SMC5: variants seen among roughly 807,000 people sequenced by gnomAD.
SMC5 encodes structural maintenance of chromosomes protein 5.
SMC5 carries 88 observed loss-of-function variants against 148.3 expected under a neutral mutation model. The ratio of observed to expected loss-of-function variants is 0.59; its 90% CI spans 0.50 to 0.71. SMC5 has a LOEUF of 0.71. Among genes scored for constraint, SMC5 ranks in the 30% least tolerant of loss-of-function variants. The pLI is 0.00. For missense variants in SMC5, 1,142 were observed against 1,298.9 expected (o/e 0.88, Z 1.86); for synonymous variants, 421 against 432.8 (o/e 0.97, Z 0.34).
At chr9:70,282,362 T>TTCG in intron 6 of SMC5, 60 bp from the exon 7 acceptor site, 1 of 1,458,442 alleles carries the variant, frequency 6.9e-7, no homozygotes, top group Admixed American at 2.6e-5. Flanking sequence ...ATCTTGATTT[T>TTCG]TAGTATATGT....
intron 17 of SMC5, among the ~76,000 whole-genome samples, chr9:70,326,074 A>G (rs1242910817): frequency 1.3e-5 from 2 of 152,196 alleles, no homozygotes; most frequent in African/African-American, 4.8e-5. Context: ...ACAGTGGCAG[A>G]GCTAAGGTCA....
chr9:70,264,335 C>T lies in SMC5; in HGVS notation c.217C>T (p.Pro73Ser). 1.2e-6 allele frequency: 2 copies of T among 1,613,882 alleles called. No homozygotes were observed. The highest frequency in any genetic ancestry group is 2.2e-5 in the East Asian group (1 of 44,858). ...TGATATTTGTGAAGTATCTCCTGGA[C>T]CCCACTTGAATATGATCGTTGGAGC... ...TYDICEVSPG[P>S]HLNMIVGANG... The change falls in exon 2 of 25, where the codon CCC becomes TCC. Residue 73 changes from proline to serine, a missense_variant. Pro to Ser is a moderately conservative substitution (Grantham distance 74, BLOSUM62 -1). Around this residue, in one of 5 missense-constraint regions of SMC5, gnomAD observed 297 missense variants for 302.6 expected, o/e 0.98. Coordinates refer to ENST00000361138, the MANE Select transcript of SMC5 (RefSeq NM_015110.4).
chr9:70,316,379 C>A (rs1406297960), intron 13 of SMC5, among the ~76,000 whole-genome samples: 1 of 151,952 alleles, frequency 6.6e-6, no homozygotes, highest in Non-Finnish European at 1.5e-5. Flanking sequence ...CATTTGGGGG[C>A]TCACTATACT....
At chr9:70,344,372 T>TA (rs1364207948) in intron 18 of SMC5, 103 bp downstream of exon 18, 5 of 823,130 alleles carry the variant, frequency 6.1e-6, no homozygotes, top group South Asian at 5.3e-5. Context: ...TGATGTGTCG[T>TA]AAAAAATAGG....
rs116895548 is a variant in SMC5 at position 70,267,581 on chromosome 9, G to A, written c.328-342G>A. On this transcript the variant is annotated intron_variant, in intron 2 of 24. Coordinates refer to ENST00000361138, the MANE Select transcript of SMC5 (RefSeq NM_015110.4). ...CACAGGCATTTTCTCTTCTGTCTGG[G>A]TGTTTAATATAGTGGACAAGTACAC... Among the ~76,000 whole-genome samples the A allele has an allele frequency of 5.6e-4, 86 of 152,258 alleles. 3 individuals carry two copies. In the East Asian group the frequency reaches 0.014, roughly 24 times the overall value.
Position 70,259,027 on chromosome 9 carries a change from G to T in SMC5, c.-52G>T. On this transcript the variant is annotated 5_prime_UTR_variant, in exon 1 of 25. Transcript: ENST00000361138. ...GGGTGGATGGGCGCTTGGGCGCCTG[G>T]GCTGCCGGACGGTGGGAACGGAAGT... The T allele has an allele frequency of 6.5e-7, 1 of 1,529,890 alleles. No individual in the cohort carries two copies. Among genetic ancestry groups the T allele is most frequent in the South Asian group, 1.3e-5 (1 of 79,990 alleles). The allele number at this position is 1,529,890 out of a possible 1,614,324, so 94.8% of individuals were successfully genotyped here.
At chr9:70,279,033 A>AT (rs1026125513) in intron 5 of SMC5, among the ~76,000 whole-genome samples, 5 of 152,006 alleles carry the variant, frequency 3.3e-5, no homozygotes, top group Non-Finnish European at 5.9e-5. Flanking sequence ...TCTCTCATGT[A>AT]TTTTTTTCAG....
In SMC5 at chr9:70,352,563, G is replaced by A. The variant is rs572794164; in HGVS notation, c.*232G>A. 76 of 432,220 alleles carry A rather than the reference G, an allele frequency of 1.8e-4. No homozygotes were observed. Among genetic ancestry groups the A allele is most frequent in the Middle Eastern group, 1.3e-3 (2 of 1,576 alleles). The allele number at this position is 432,220 out of a possible 1,614,324, so 26.8% of individuals were successfully genotyped here. A position where few individuals can be genotyped will look rare whatever the true frequency, so the allele number is the denominator to read the frequency against. On this transcript the variant is annotated 3_prime_UTR_variant, in exon 25 of 25. Transcript: ENST00000361138. The stretch of plus-strand genomic sequence containing the variant: ...GTTGAACTTGAGTTCTTGGCACTCT[G>A]ACCATGAGTCATTCAGTTCTCATGT...
At chr9:70,285,236 C>T (rs748934857) in intron 7 of SMC5, among the ~76,000 whole-genome samples, 1 of 151,982 alleles carries the variant, frequency 6.6e-6, no homozygotes, top group East Asian at 1.9e-4. Flanking sequence ...CAAAAGGATG[C>T]AAAACAGTCA....
chr9:70,278,086 T>C (rs1465862057), intron 4 of SMC5, among the ~76,000 whole-genome samples: 1 of 152,096 alleles, frequency 6.6e-6, no homozygotes, highest in Non-Finnish European at 1.5e-5. Context: ...TTTATTTATT[T>C]TAACACTTAC....
At chr9:70,272,217 C>G (rs181034754) in intron 3 of SMC5, among the ~76,000 whole-genome samples, 1 of 152,324 alleles carries the variant, frequency 6.6e-6, no homozygotes, top group East Asian at 1.9e-4. Context: ...TTTCCATTAA[C>G]TGAGGTAGAC....
chr9:70,348,363 T>G (rs1355554859), intron 22 of SMC5, among the ~76,000 whole-genome samples: 1 of 152,000 alleles, frequency 6.6e-6, no homozygotes, highest in African/African-American at 2.4e-5. Context: ...TGAAATATAG[T>G]GTATATCAGT....
rs766140543 is a variant in SMC5 at position 70,350,187 on chromosome 9, C to T, written c.2963C>T (p.Pro988Leu). 1.5e-5 allele frequency: 24 copies of T among 1,613,406 alleles called. No individual in the cohort carries two copies. The highest frequency in any genetic ancestry group is 2.0e-5 in the Non-Finnish European group (24 of 1,179,650). Residue 988 changes from proline (P) to leucine (L), a missense_variant, in exon 23 of 25, where the codon CCT becomes CTT. Pro to Leu is a moderately conservative substitution (Grantham distance 98). Around this residue, in one of 5 missense-constraint regions of SMC5, gnomAD observed 743 missense variants for 835.7 expected, o/e 0.89. Coordinates refer to ENST00000361138, the MANE Select transcript of SMC5 (RefSeq NM_015110.4). Reference sequence around the variant, plus strand: ...AGTACTCAACTGCATGAATTAACTCCTCATCATCAAAGTGGAGGTGAAAGA... The same window carrying T: ...AGTACTCAACTGCATGAATTAACTCTTCATCATCAAAGTGGAGGTGAAAGA... ...RSSTQLHELT[P>L]HHQSGGERSV...
chr9:70,274,548 T>C (rs72712285), intron 3 of SMC5, among the ~76,000 whole-genome samples: 5,563 of 152,148 alleles, frequency 0.037, 156 homozygotes, highest in Non-Finnish European at 0.052. Flanking sequence ...TTATCTCATT[T>C]AAACTAGTAT....
chr9:70,288,973 A>T (rs1489721256), intron 8 of SMC5, among the ~76,000 whole-genome samples: 1 of 152,184 alleles, frequency 6.6e-6, no homozygotes, highest in Non-Finnish European at 1.5e-5. Flanking sequence ...GAATAGGCTT[A>T]CTATAATTAT....
chr9:70,273,218 AT>A (rs2118072731), intron 3 of SMC5, among the ~76,000 whole-genome samples: 1 of 150,460 alleles, frequency 6.6e-6, no homozygotes, highest in South Asian at 2.1e-4. Flanking sequence ...TACTGATTTA[AT>A]TTTTTTCTAA....
chr9:70,312,844 T>G (rs2035695510), intron 11 of SMC5, among the ~76,000 whole-genome samples: 1 of 152,166 alleles, frequency 6.6e-6, no homozygotes, highest in Admixed American at 6.5e-5. Context: ...TACAAAGGAT[T>G]TTTGCTTTTG....
In SMC5 at chr9:70,282,593, G is replaced by C. The variant is rs368868223; in HGVS notation, c.981+10G>C. 2.3e-5 allele frequency: 36 copies of C among 1,545,476 alleles called. No individual in the cohort carries two copies. The highest frequency in any genetic ancestry group is 3.0e-5 in the Non-Finnish European group (35 of 1,156,640). On this transcript the variant is annotated intron_variant, in intron 7 of 24. Coordinates refer to ENST00000361138, the MANE Select transcript of SMC5 (RefSeq NM_015110.4). ...TCGAATCAAAGAAAAGGTACTTTTT[G>C]GTTTCAATTTTGGATTATCTGAATT...
At chr9:70,311,603 T>C (rs2035658917) in intron 11 of SMC5, 1 of 152,038 alleles carries the variant, frequency 6.6e-6, no homozygotes, top group South Asian at 2.1e-4. Context: ...TTTAAAAAAT[T>C]GTTTTTAAAC....
Sources: gnomAD v4.1 joint callset for allele counts (sites outside exome capture counted in the v4.1 genomes callset) on GRCh38, gnomAD v4.1.1 for gene constraint, gnomAD v4.1.1 regional missense constraint, MANE v1.5 for transcripts, NCBI Gene and HGNC (gene_info 2026-07-23, HGNC 2026-07-21) for gene names.